The following DPH6 variants were observed in gnomAD, a reference collection of about 807,000 sequenced individuals.
DPH6 encodes diphthine--ammonia ligase.
Under a neutral mutation model 38.2 loss-of-function variants are expected in DPH6, and 33 were observed. The ratio of observed to expected loss-of-function variants is 0.86; its 90% confidence interval spans 0.65 to 1.15. The LOEUF (loss-of-function observed/expected upper bound fraction) is 1.15. Ranked by LOEUF, DPH6 falls within the 50% of genes most tolerant of loss-of-function variation. DPH6 has a pLI of 0.00. For synonymous variants in DPH6, 108 were observed against 103.0 expected (o/e 1.05, Z -0.30); for missense variants, 325 against 320.0 (o/e 1.02, Z -0.12).
At chr15:35,258,652 C>T (rs139354183) in intron 3 of DPH6, among the ~76,000 whole-genome samples, 35 of 152,280 alleles carry the variant, frequency 2.3e-4, no homozygotes, top group African/African-American at 8.2e-4. Flanking sequence ...AAACCTTTAT[C>T]AAAATAGAAA....
intron 3 of DPH6, among the ~76,000 whole-genome samples, chr15:35,526,897 C>T (rs757857826): frequency 5.8e-4 from 88 of 152,184 alleles, no homozygotes; most frequent in Admixed American, 1.4e-3. Context: ...ACATAGGAAA[C>T]TAGAAAGCAT....
intron 5 of DPH6, among the ~76,000 whole-genome samples, chr15:35,413,777 T>C (rs2140999578): frequency 6.6e-6 from 1 of 151,804 alleles, no homozygotes; most frequent in Admixed American, 6.6e-5. Flanking sequence ...GCTGGACCTG[T>C]TTCTACCATC....
At chr15:35,322,727 A>G (rs1049489373) in intron 3 of DPH6, among the ~76,000 whole-genome samples, 3 of 152,082 alleles carry the variant, frequency 2.0e-5, no homozygotes, top group Non-Finnish European at 4.4e-5. Context: ...TTTTTCTACC[A>G]CCACCTATTT....
intron 5 of DPH6, among the ~76,000 whole-genome samples, chr15:35,418,344 A>G (rs1182110843): frequency 1.2e-4 from 19 of 152,176 alleles, no homozygotes; most frequent in Admixed American, 1.2e-3. Context: ...AGTACATTTT[A>G]ACTCTAATAC....
the DPH6 span, among the ~76,000 whole-genome samples, chr15:35,176,700 A>T: frequency 1.3e-5 from 2 of 152,020 alleles, no homozygotes; most frequent in Non-Finnish European, 2.9e-5. Context: ...CGAACTCCCA[A>T]CCTCAGGTGA....
At chr15:35,524,258 G>C (rs1443818) in intron 3 of DPH6, among the ~76,000 whole-genome samples, 136,344 of 152,102 alleles carry the variant, frequency 0.9, 61,256 homozygotes, top group East Asian at 1. Flanking sequence ...TGCTTATTTT[G>C]AATTTCTCTA....
At chr15:35,522,261 G>C (rs771951590) in intron 3 of DPH6, 43 of 1,612,944 alleles carry the variant, frequency 2.7e-5, no homozygotes, top group Non-Finnish European at 3.6e-5. Flanking sequence ...CAGCAAGCAA[G>C]GTCATTCTAG....
chr15:35,225,975 G>A (rs904778002), intron 3 of DPH6, among the ~76,000 whole-genome samples: 1 of 152,158 alleles, frequency 6.6e-6, no homozygotes, highest in African/African-American at 2.4e-5. Flanking sequence ...TGCTGGGCAT[G>A]GTGGCATGTG....
At chr15:35,510,786 T>C (rs2054758993) in intron 3 of DPH6, among the ~76,000 whole-genome samples, 1 of 152,224 alleles carries the variant, frequency 6.6e-6, no homozygotes. Context: ...AGGGAAGCTA[T>C]ATGTGAGACC....
chr15:35,320,880 A>G (rs1037821200), intron 3 of DPH6, among the ~76,000 whole-genome samples: 1 of 152,212 alleles, frequency 6.6e-6, no homozygotes, highest in South Asian at 2.1e-4. Flanking sequence ...CAAAATATTC[A>G]GTCAGTTTTC....
At chr15:35,352,634 T>C (rs2052525203) in intron 3 of DPH6, among the ~76,000 whole-genome samples, 1 of 152,252 alleles carries the variant, frequency 6.6e-6, no homozygotes, top group Non-Finnish European at 1.5e-5. Flanking sequence ...GGCTGCATAG[T>C]ATTCCATGGT....
intron 3 of DPH6, among the ~76,000 whole-genome samples, chr15:35,280,485 G>A (rs1388176868): frequency 6.6e-6 from 1 of 152,146 alleles, no homozygotes; most frequent in Non-Finnish European, 1.5e-5. Flanking sequence ...AAAGTAGAGA[G>A]AGAGAATATA....
At chr15:35,425,355 TTACATATTATCA>T in intron 5 of DPH6, among the ~76,000 whole-genome samples, 1 of 151,690 alleles carries the variant, frequency 6.6e-6, no homozygotes, top group African/African-American at 2.4e-5. Context: ...TAATTAACTG[TTACATATTATCA>T]TGAAAGCTAT....
rs2052627352 is a variant in DPH6, at chr15:35,363,075, GTA to G, written n.207+10444_207+10445del. Among the ~76,000 whole-genome samples the G allele has an allele frequency of 3.3e-5, 5 of 152,112 alleles. No homozygotes were observed. In the South Asian group the frequency reaches 8.3e-4, roughly 25 times the overall value. On this transcript the variant is annotated intron_variant and non_coding_transcript_variant, in intron 3 of 3. Coordinates refer to the DPH6 transcript ENST00000558973. ...ATGGCCCTGGGTATAACTAACTTTT[GTA>G]TAATTTCTAGTTTCCTTGAAAATAA...
intron 3 of DPH6, among the ~76,000 whole-genome samples, chr15:35,311,132 G>A (rs73393340): frequency 0.026 from 3,947 of 151,776 alleles, 172 homozygotes; most frequent in African/African-American, 0.09. Flanking sequence ...AAAGAGATTG[G>A]AGAATTATTA....
the DPH6 span, among the ~76,000 whole-genome samples, chr15:35,183,143 TA>T: frequency 1.2e-3 from 185 of 152,342 alleles, 1 homozygote; most frequent in East Asian, 0.033. Context: ...AGCTCTACTT[TA>T]CAAATCATAT....
At chr15:35,391,827 A>G (rs1476587862) in intron 6 of DPH6, among the ~76,000 whole-genome samples, 2 of 152,146 alleles carry the variant, frequency 1.3e-5, no homozygotes, top group African/African-American at 4.8e-5. Context: ...TGGCTCATGC[A>G]TGGTGCACTG....
intron 3 of DPH6, among the ~76,000 whole-genome samples, chr15:35,483,691 T>C (rs2141155525): frequency 6.6e-6 from 1 of 152,326 alleles, no homozygotes. Flanking sequence ...TCATTTCTGA[T>C]ATCTACTCAT....
chr15:35,463,388 T>C (rs1373984987), intron 3 of DPH6, among the ~76,000 whole-genome samples: 1 of 109,538 alleles, frequency 9.1e-6, no homozygotes, highest in East Asian at 2.7e-4. Flanking sequence ...TATATAAATA[T>C]TTATCATATT....
Sources: gnomAD v4.1 joint callset for allele counts (sites outside exome capture counted in the v4.1 genomes callset) on GRCh38, gnomAD v4.1.1 for gene constraint, MANE v1.5 for transcripts, NCBI Gene and HGNC (gene_info 2026-07-23, HGNC 2026-07-21) for gene names.